Variants in SEC16B observed in about 807,000 individuals in gnomAD.
The protein encoded by SEC16B is SEC16 homolog B, endoplasmic reticulum export factor, also known as protein transport protein Sec16B.
In SEC16B, 115 loss-of-function variants were observed where a neutral mutation model predicts 141.8. The observed-to-expected ratio is 0.81, with a 90% CI of 0.70 to 0.95. The LOEUF is 0.95. Ranked by LOEUF, SEC16B falls within the 40% of genes least tolerant of loss-of-function variation. The probability of loss-of-function intolerance (pLI) is 0.00; values close to 1 mark genes in which losing one functional copy is unlikely to be tolerated. For missense variants in SEC16B, 1,291 were observed against 1,312.3 expected (o/e 0.98, Z 0.25); for synonymous variants, 493 against 492.5 (o/e 1.00, Z -0.01).
chr1:177,980,196 C>T (rs550825273), intron 1 of SEC16B, among the ~76,000 whole-genome samples: 2 of 152,130 alleles, frequency 1.3e-5, no homozygotes, highest in Non-Finnish European at 2.9e-5. Context: ...CACTGTGACA[C>T]CATGTCCTAG....
At chr1:177,977,127 A>G (rs945994170) in intron 1 of SEC16B, among the ~76,000 whole-genome samples, 4 of 152,190 alleles carry the variant, frequency 2.6e-5, no homozygotes, top group African/African-American at 9.7e-5. Flanking sequence ...GAAGCATGAT[A>G]CTTCAAAGAA....
intron 14 of SEC16B, 25 bp downstream of exon 14, chr1:177,946,395 G>T: frequency 2.0e-6 from 3 of 1,487,218 alleles, no homozygotes; most frequent in African/African-American, 1.4e-5. Flanking sequence ...TGTCCTTACT[G>T]TTTCCTTTCT....
chr1:177,951,802 A>C, intron 12 of SEC16B, 112 bp downstream of exon 12: 1 of 814,584 alleles, frequency 1.2e-6, no homozygotes, highest in Non-Finnish European at 2.1e-6. Context: ...ACAAACCATT[A>C]ATATTATCAT....
At chr1:177,932,210 A>G (rs1650473789) in intron 24 of SEC16B, among the ~76,000 whole-genome samples, 1 of 152,250 alleles carries the variant, frequency 6.6e-6, no homozygotes, top group Non-Finnish European at 1.5e-5. Flanking sequence ...AGACGTGGAA[A>G]GAAGATGGCC....
intron 9 of SEC16B, 89 bp downstream of exon 9, chr1:177,958,751 T>G: frequency 6.8e-7 from 1 of 1,469,378 alleles, no homozygotes; most frequent in Non-Finnish European, 9.1e-7. Flanking sequence ...ATATTGCTTT[T>G]CATAATCATG....
intron 5 of SEC16B, among the ~76,000 whole-genome samples, chr1:177,963,587 A>C (rs565731630): frequency 6.6e-6 from 1 of 152,376 alleles, no homozygotes; most frequent in East Asian, 1.9e-4. Context: ...TGGGCAACAG[A>C]GTGAGACTCT....
chr1:177,973,671 C>A (rs556201420), upstream of SEC16B, among the ~76,000 whole-genome samples: 1 of 152,240 alleles, frequency 6.6e-6, no homozygotes, highest in South Asian at 2.1e-4. Context: ...TTATTGAACA[C>A]CTACTATATG....
intron 13 of SEC16B, among the ~76,000 whole-genome samples, 169 bp downstream of exon 13, chr1:177,947,656 A>G (rs1258225122): frequency 2.0e-5 from 3 of 148,970 alleles, no homozygotes; most frequent in African/African-American, 7.4e-5. Flanking sequence ...CTAGAACCTG[A>G]GAATCTAAGG....
At chr1:177,944,787 G>A (rs549464364) in intron 14 of SEC16B, 121 bp from the exon 15 acceptor site, 1 of 708,824 alleles carries the variant, frequency 1.4e-6, no homozygotes, top group Non-Finnish European at 2.3e-6. Flanking sequence ...CTGGGCTGAT[G>A]CCTGCGGCGG....
At chr1:177,937,123 C>G (rs1021764201) in intron 19 of SEC16B, 91 bp downstream of exon 19, 9 of 1,394,902 alleles carry the variant, frequency 6.5e-6, no homozygotes, top group Non-Finnish European at 8.6e-6. Flanking sequence ...CCAACCCTAC[C>G]TCCTCTGACT....
intron 20 of SEC16B, among the ~76,000 whole-genome samples, chr1:177,934,498 T>G (rs1263207009): frequency 1.3e-5 from 2 of 152,278 alleles, no homozygotes; most frequent in African/African-American, 4.8e-5. Context: ...CTTTATTTTT[T>G]ATTCAAATGA....
At chr1:177,963,881 C>T (rs1185184033) in intron 5 of SEC16B, among the ~76,000 whole-genome samples, 1 of 152,208 alleles carries the variant, frequency 6.6e-6, no homozygotes, top group Admixed American at 6.5e-5. Flanking sequence ...CTGATGACAG[C>T]GTCCTCTCTT....
intron 11 of SEC16B, among the ~76,000 whole-genome samples, 178 bp downstream of exon 11, chr1:177,954,101 A>T (rs1164675224): frequency 6.6e-6 from 1 of 152,214 alleles, no homozygotes; most frequent in East Asian, 1.9e-4. Context: ...AGGTAGAAAG[A>T]ATGTATCTGT....
At chr1:177,959,041 G>A (rs757109680) in intron 8 of SEC16B, 66 bp from the exon 9 acceptor site, 34 of 1,539,968 alleles carry the variant, frequency 2.2e-5, no homozygotes, top group Non-Finnish European at 2.8e-5. Context: ...CGGACCCCAG[G>A]CTCCTCCTAA....
At chr1:177,948,700 G>A in intron 12 of SEC16B, 1 of 1,234,188 alleles carries the variant, frequency 8.1e-7, no homozygotes, top group Non-Finnish European at 1.0e-6. Context: ...TAATGTCATG[G>A]AAACAACACA....
At position 177,939,672 on chromosome 1, in the gene SEC16B, T is replaced by C. The variant is rs138814449; in HGVS notation, c.2203+30A>G. 2.8e-3 allele frequency: 4,155 copies of C among 1,481,624 alleles called. 107 individuals are homozygous for C. The African/African-American group carries it at 0.048, about 17-fold the overall frequency. 91.8% of individuals were successfully genotyped at this position (1,481,624 alleles called of 1,614,324 possible). A position where few individuals can be genotyped will look rare whatever the true frequency, so the allele number is the denominator to read the frequency against. On this transcript the variant is annotated intron_variant, in intron 18 of 25. Coordinates refer to ENST00000308284, the MANE Select transcript of SEC16B (RefSeq NM_033127.4). ...AGAATCAGATCCTGAGCGTCAGCTA[T>C]GTATATGCTCAGTTCATCATTTTGG...
chr1:177,933,195 C>T lies in SEC16B; in HGVS notation c.2823+19G>A. 1 of 1,550,276 alleles carries T rather than the reference C, an allele frequency of 6.5e-7. No individual in the cohort carries two copies. Among genetic ancestry groups the T allele is most frequent in the Non-Finnish European group, 8.7e-7 (1 of 1,143,794 alleles). ...AAGACCCACAGAGAGGGGCATCCTC[C>T]CCCTCCCACAGAGCCTACCTCAGAG... is the stretch of plus-strand genomic sequence containing the variant. On this transcript the variant is annotated intron_variant, in intron 22 of 25. Coordinates refer to ENST00000308284, the MANE Select transcript of SEC16B (RefSeq NM_033127.4).
intron 11 of SEC16B, 21 bp downstream of exon 11, chr1:177,954,258 T>A: frequency 3.9e-6 from 6 of 1,549,152 alleles, no homozygotes; most frequent in Non-Finnish European, 5.2e-6. Flanking sequence ...CACTGGCCTC[T>A]TTTGTTAAGT....
chr1:177,969,375 T>TCTGG (rs1653800792), intron 1 of SEC16B, among the ~76,000 whole-genome samples: 1 of 152,250 alleles, frequency 6.6e-6, no homozygotes, highest in East Asian at 1.9e-4. Context: ...CAGGGGAACC[T>TCTGG]CTGGCTTCCT....
Sources: gnomAD v4.1 joint callset for allele counts (sites outside exome capture counted in the v4.1 genomes callset) on GRCh38, gnomAD v4.1.1 for gene constraint, MANE v1.5 for transcripts, NCBI Gene and HGNC (gene_info 2026-07-23, HGNC 2026-07-21) for gene names.